Variants in FGFR1OP2 observed in about 807,000 individuals in gnomAD.
FGFR1OP2 encodes fibroblast growth factor receptor 1 oncogene partner 2.
FGFR1OP2 carries 17 observed loss-of-function variants against 35.2 expected under a neutral mutation model. The observed-to-expected ratio is 0.48, with a 90% CI of 0.33 to 0.73. The LOEUF is 0.73. FGFR1OP2 is among the 30% of genes least tolerant of loss of function. The pLI is 0.02. For missense variants in FGFR1OP2, 251 were observed against 307.3 expected (o/e 0.82, Z 1.37); for synonymous variants, 105 against 104.6 (o/e 1.00, Z -0.03).
chr12:26,950,107 G>A (rs993516796), intron 1 of FGFR1OP2, among the ~76,000 whole-genome samples: 5 of 150,262 alleles, frequency 3.3e-5, no homozygotes, highest in East Asian at 3.9e-4. Flanking sequence ...TTATAGTAAC[G>A]AACTTTAAGG....
intron 1 of FGFR1OP2, among the ~76,000 whole-genome samples, chr12:26,952,693 A>G (rs989329545): frequency 1.3e-3 from 120 of 92,506 alleles, no homozygotes; most frequent in African/African-American, 4.6e-3. Flanking sequence ...TTTTTTTTGT[A>G]TTGGAGGGGA....
intron 4 of FGFR1OP2, among the ~76,000 whole-genome samples, chr12:26,959,218 T>C (rs1470715057): frequency 1.3e-5 from 2 of 152,098 alleles, no homozygotes; most frequent in African/African-American, 4.8e-5. Context: ...CTAATTATGC[T>C]ATTCATCTCC....
At chr12:26,955,084 A>G (rs571867823) in intron 2 of FGFR1OP2, among the ~76,000 whole-genome samples, 1 of 152,312 alleles carries the variant, frequency 6.6e-6, no homozygotes, top group East Asian at 1.9e-4. Flanking sequence ...GTGTTGCCCT[A>G]AACAGATTTA....
At chr12:26,949,198 C>G (rs147455531) in intron 1 of FGFR1OP2, among the ~76,000 whole-genome samples, 1 of 152,032 alleles carries the variant, frequency 6.6e-6, no homozygotes, top group Admixed American at 6.6e-5. Context: ...TGCAATGGCG[C>G]GATCTCAGCT....
In FGFR1OP2 at chr12:26,956,524, T is replaced by C. The variant is rs1489080391; in HGVS notation, c.136-19T>C. On this transcript the variant is annotated intron_variant, in intron 2 of 6. Transcript: ENST00000229395. ...TATTTGCAGGTATTTTCATCCCACATGTTTTTCTCCCCCATTAGTATCAGG... is the reference window on the plus strand; with the variant it reads ...TATTTGCAGGTATTTTCATCCCACACGTTTTTCTCCCCCATTAGTATCAGG... 2 of 1,231,602 alleles carry C rather than the reference T, an allele frequency of 1.6e-6. No individual in the cohort carries two copies. The highest frequency in any genetic ancestry group is 1.6e-5 in the South Asian group (1 of 62,782). The allele number at this position is 1,231,602 out of a possible 1,614,324, so 76.3% of individuals were successfully genotyped here.
chr12:26,960,875 C>T lies in FGFR1OP2; in HGVS notation c.510+247C>T, dbSNP rs572671851. 2.0e-3 allele frequency: 615 copies of T among 311,996 alleles called. 2 individuals carry two copies. The highest frequency in any genetic ancestry group is 2.9e-3 in the Non-Finnish European group (533 of 185,138). 19.3% of individuals were successfully genotyped at this position (311,996 alleles called of 1,614,324 possible). A position where few individuals can be genotyped will look rare whatever the true frequency, so the allele number is the denominator to read the frequency against. On this transcript the variant is annotated intron_variant, in intron 5 of 6. Coordinates refer to ENST00000229395, the MANE Select transcript of FGFR1OP2 (RefSeq NM_015633.3). Reference sequence around the variant, plus strand: ...AGGTTTTATAGGTTATTCAGTCCAACGCTTTATTTATTTGCTCTTGTTAGT... The same window carrying T: ...AGGTTTTATAGGTTATTCAGTCCAATGCTTTATTTATTTGCTCTTGTTAGT...
intron 6 of FGFR1OP2, among the ~76,000 whole-genome samples, chr12:26,964,115 AC>A (rs1209895047): frequency 2.0e-5 from 3 of 152,158 alleles, no homozygotes; most frequent in Admixed American, 1.3e-4. Flanking sequence ...TTGGTCACTT[AC>A]TTTCCTTCTT....
chr12:26,966,611 A>T lies in FGFR1OP2; in HGVS notation c.*1878A>T, dbSNP rs1939191725. On this transcript the variant is annotated 3_prime_UTR_variant, in exon 7 of 7. Coordinates refer to ENST00000229395, the MANE Select transcript of FGFR1OP2 (RefSeq NM_015633.3). ...ATGTTTGAGGTATGTACTGCATAGG[A>T]ACCTATTTTATTATTAAAGATGAAT... 3.3e-5 allele frequency: 5 copies of T among 150,580 alleles called. No individual in the cohort carries two copies. Among genetic ancestry groups the T allele is most frequent in the Admixed American group, 3.3e-4 (5 of 15,072 alleles). 9.3% of individuals were successfully genotyped at this position (150,580 alleles called of 1,614,324 possible).
chr12:26,940,281 G>C (rs780764826), intron 1 of FGFR1OP2, among the ~76,000 whole-genome samples: 1 of 152,106 alleles, frequency 6.6e-6, no homozygotes, highest in Non-Finnish European at 1.5e-5. Context: ...CTAAGGGAAC[G>C]TGTAATTTTA....
rs748131942 is a variant in FGFR1OP2 at position 26,964,559 on chromosome 12, G to A, written c.625-37G>A. ...TTTGTGATGTTGTAGCTACCTTGTAGATAGTGACTGCATCTTTGTTTTTGC... is the reference window on the plus strand; with the variant it reads ...TTTGTGATGTTGTAGCTACCTTGTAAATAGTGACTGCATCTTTGTTTTTGC... On this transcript the variant is annotated intron_variant, in intron 6 of 6. Transcript: ENST00000229395. The A allele has an allele frequency of 2.5e-6, 4 of 1,601,856 alleles. No homozygotes were observed. In the South Asian group the frequency reaches 4.4e-5, roughly 18 times the overall value.
intron 1 of FGFR1OP2, among the ~76,000 whole-genome samples, chr12:26,945,775 C>T (rs1187787837): frequency 8.6e-5 from 13 of 151,546 alleles, no homozygotes; most frequent in Non-Finnish European, 1.5e-4. Context: ...GCAGGAGAAC[C>T]GCTTGAACCC....
At position 26,964,838 on chromosome 12, in the gene FGFR1OP2, T is replaced by C. The variant is rs1939152957; in HGVS notation, c.*105T>C. 3.1e-6 allele frequency: 4 copies of C among 1,280,484 alleles called. No individual in the cohort carries two copies. The highest frequency in any genetic ancestry group is 2.0e-5 in the Admixed American group (1 of 50,514). 79.3% of individuals were successfully genotyped at this position (1,280,484 alleles called of 1,614,324 possible). ...TCCTTTATTTTTTTCTCTGTAAATA[T>C]GTACAGTGCACGGGCTATGAGATAG... On this transcript the variant is annotated 3_prime_UTR_variant, in exon 7 of 7. Transcript: ENST00000229395.
intron 4 of FGFR1OP2, among the ~76,000 whole-genome samples, chr12:26,959,078 C>A (rs540218197): frequency 1.3e-5 from 2 of 152,098 alleles, no homozygotes; most frequent in Non-Finnish European, 2.9e-5. Flanking sequence ...GTAATTAATT[C>A]TATTAGAATT....
At position 26,957,761 on chromosome 12, in the gene FGFR1OP2, T is replaced by A. The variant is rs910813473; in HGVS notation, c.396+18T>A. The A allele has an allele frequency of 6.3e-7, 1 of 1,580,494 alleles. No individual in the cohort carries two copies. On this transcript the variant is annotated intron_variant, in intron 4 of 6. Transcript: ENST00000229395. Reference sequence around the variant, plus strand: ...ACTCCAAGGTAATCCATTCTATAAATGTGACCTGAAATGGAAAAGAGAGAC... The same window carrying A: ...ACTCCAAGGTAATCCATTCTATAAAAGTGACCTGAAATGGAAAAGAGAGAC...
intron 1 of FGFR1OP2, among the ~76,000 whole-genome samples, chr12:26,939,637 G>A (rs1406904349): frequency 6.6e-6 from 1 of 152,078 alleles, no homozygotes; most frequent in African/African-American, 2.4e-5. Flanking sequence ...ACTCCCCCAG[G>A]TGACATTGAT....
At chr12:26,950,213 G>GTTGTTTTTTTTTTTT (rs1938898866) in intron 1 of FGFR1OP2, among the ~76,000 whole-genome samples, 1 of 50,934 alleles carries the variant, frequency 2.0e-5, no homozygotes, top group African/African-American at 8.1e-5. Flanking sequence ...TGTATTCGTT[G>GTTGTTTTTTTTTTTT]TTTTTTTTTT....
At chr12:26,958,939 C>T (rs567412709) in intron 4 of FGFR1OP2, among the ~76,000 whole-genome samples, 12 of 152,254 alleles carry the variant, frequency 7.9e-5, no homozygotes, top group African/African-American at 2.6e-4. Context: ...TATGAGCCTT[C>T]TTTTCCCCAT....
Position 26,960,629 on chromosome 12 carries a change from G to A in FGFR1OP2, c.510+1G>A. ...AAGGCACTTGGAAGCAAATCAGAAT[G>A]TACACTAAATAAACAGTCAACTTTT... is the stretch of plus-strand genomic sequence containing the variant. On this transcript the variant is annotated splice_donor_variant, in intron 5 of 6. Coordinates refer to ENST00000229395, the MANE Select transcript of FGFR1OP2 (RefSeq NM_015633.3). LOFTEE classifies it high-confidence loss of function. The A allele has an allele frequency of 6.2e-6, 10 of 1,612,018 alleles. No homozygotes were observed. The highest frequency in any genetic ancestry group is 8.5e-6 in the Non-Finnish European group (10 of 1,179,012).
chr12:26,954,932 A>G (rs1332346793), intron 2 of FGFR1OP2, among the ~76,000 whole-genome samples: 1 of 152,210 alleles, frequency 6.6e-6, no homozygotes, highest in Non-Finnish European at 1.5e-5. Context: ...CTCTGACATT[A>G]TGATGGAAAT....
Sources: gnomAD v4.1 joint callset for allele counts (sites outside exome capture counted in the v4.1 genomes callset) on GRCh38, gnomAD v4.1.1 for gene constraint, MANE v1.5 for transcripts, NCBI Gene and HGNC (gene_info 2026-07-23, HGNC 2026-07-21) for gene names.